The following RGS3 variants were observed in gnomAD, a reference collection of about 807,000 sequenced individuals.
RGS3 encodes regulator of G-protein signalling 3.
Under a neutral mutation model 132.6 loss-of-function variants are expected in RGS3, and 80 were observed. The ratio of observed to expected loss-of-function variants is 0.60; its 90% CI spans 0.50 to 0.73. The LOEUF (loss-of-function observed/expected upper bound fraction) is 0.73, where lower values mean the gene tolerates loss of function less well. Ranked by LOEUF, RGS3 falls within the 30% of genes least tolerant of loss-of-function variation. RGS3 has a pLI of 0.00. For missense variants in RGS3, 1,382 were observed against 1,530.8 expected (o/e 0.90, Z 1.62); for synonymous variants, 598 against 620.6 (o/e 0.96, Z 0.54).
At chr9:113,486,519 G>A (rs904434451) in intron 7 of RGS3, among the ~76,000 whole-genome samples, 3 of 152,188 alleles carry the variant, frequency 2.0e-5, no homozygotes, top group Non-Finnish European at 2.9e-5. Flanking sequence ...GAGGAGTGCC[G>A]GGCAGGTGAG....
intron 20 of RGS3, among the ~76,000 whole-genome samples, chr9:113,587,644 A>G (rs1835186732): frequency 6.6e-6 from 1 of 152,232 alleles, no homozygotes; most frequent in Middle Eastern, 3.2e-3. Flanking sequence ...GGTGACATTC[A>G]GTCTCGACGT....
chr9:113,538,657 G>A (rs141617988), intron 19 of RGS3, among the ~76,000 whole-genome samples: 293 of 152,274 alleles, frequency 1.9e-3, no homozygotes, highest in African/African-American at 6.7e-3. Flanking sequence ...ACCCTGGAAC[G>A]GCCCAAGGGT....
chr9:113,526,609 C>T (rs1832223641), intron 17 of RGS3, among the ~76,000 whole-genome samples: 1 of 152,104 alleles, frequency 6.6e-6, no homozygotes, highest in African/African-American at 2.4e-5. Context: ...CCTCAGACAG[C>T]GAAGGGGGTT....
At chr9:113,474,301 G>T (rs1829924525) in intron 3 of RGS3, among the ~76,000 whole-genome samples, 1 of 152,098 alleles carries the variant, frequency 6.6e-6, no homozygotes, top group Non-Finnish European at 1.5e-5. Context: ...TCGCAAACCA[G>T]GGCCACTTTT....
intron 21 of RGS3, 142 bp from the exon 20 acceptor site, chr9:113,594,288 C>CA: frequency 6.2e-7 from 1 of 1,600,304 alleles, no homozygotes; most frequent in Non-Finnish European, 8.5e-7. Flanking sequence ...TGCTCCGAGG[C>CA]ATGTACCTCA....
At chr9:113,502,666 G>A (rs547669490) in intron 10 of RGS3, among the ~76,000 whole-genome samples, 1 of 152,208 alleles carries the variant, frequency 6.6e-6, no homozygotes, top group Non-Finnish European at 1.5e-5. Context: ...TCACCCTGGG[G>A]CTATGGGCTA....
At chr9:113,446,883 G>A (rs1298104233) in intron 1 of RGS3, among the ~76,000 whole-genome samples, 9 of 152,144 alleles carry the variant, frequency 5.9e-5, no homozygotes, top group Admixed American at 5.9e-4. Flanking sequence ...GTATTTGGAA[G>A]GGCAGAAATA....
At chr9:113,489,843 T>C (rs1271530322) in intron 7 of RGS3, among the ~76,000 whole-genome samples, 1 of 152,202 alleles carries the variant, frequency 6.6e-6, no homozygotes, top group Non-Finnish European at 1.5e-5. Flanking sequence ...TGGAGTTTTA[T>C]GTAAATTATT....
At chr9:113,595,806 G>A in intron 24 of RGS3, 41 bp downstream of exon 22, 2 of 1,595,352 alleles carry the variant, frequency 1.3e-6, no homozygotes, top group South Asian at 1.1e-5. Flanking sequence ...CCAATCCCCA[G>A]GGCCCAGTGG....
Position 113,591,504 on chromosome 9 carries a change from GC to G in RGS3, c.3080+110del. ...GGGAGAAGAGGTTGTGCCTGGTCCC[GC>G]CCACAACCCCAGACAGACACCAAGG... On this transcript the variant is annotated intron_variant, in intron 21 of 24. Transcript: ENST00000350696. The surrounding 1 kb of genome is among the most constrained non-coding windows in gnomAD (Gnocchi z 4.4). The G allele has an allele frequency of 1.0e-6, 1 of 962,482 alleles. No homozygotes were observed. The highest frequency in any genetic ancestry group is 1.7e-6 in the Non-Finnish European group (1 of 599,940). The allele number at this position is 962,482 out of a possible 1,614,324, so 59.6% of individuals were successfully genotyped here.
chr9:113,541,383 C>G, intron 19 of RGS3: 1 of 1,613,836 alleles, frequency 6.2e-7, no homozygotes, highest in Non-Finnish European at 8.5e-7. Flanking sequence ...CAATGCCACC[C>G]AGGATAGAAG....
At chr9:113,466,538 T>C (rs1436569583) in intron 3 of RGS3, among the ~76,000 whole-genome samples, 1 of 152,124 alleles carries the variant, frequency 6.6e-6, no homozygotes, top group East Asian at 1.9e-4. Context: ...TCTGAGGAGG[T>C]GGCCTTACTT....
At chr9:113,481,377 G>A (rs1830153992) in intron 4 of RGS3, among the ~76,000 whole-genome samples, 1 of 152,180 alleles carries the variant, frequency 6.6e-6, no homozygotes, top group African/African-American at 2.4e-5. Flanking sequence ...CCAGACCTGG[G>A]TCCTGCCCTC....
chr9:113,588,268 C>G (rs1419171404), intron 20 of RGS3, among the ~76,000 whole-genome samples: 1 of 152,218 alleles, frequency 6.6e-6, no homozygotes, highest in Non-Finnish European at 1.5e-5. Context: ...TACCTTCAAG[C>G]CTCCTATTTT....
intron 8 of RGS3, 101 bp downstream of exon 6, chr9:113,495,947 A>G: frequency 1.9e-6 from 2 of 1,036,858 alleles, no homozygotes; most frequent in Non-Finnish European, 3.1e-6. Flanking sequence ...TCTCTCTGTG[A>G]GATGGTGCCC....
chr9:113,473,626 A>G (rs992291981), intron 3 of RGS3, among the ~76,000 whole-genome samples: 1 of 152,164 alleles, frequency 6.6e-6, no homozygotes, highest in Non-Finnish European at 1.5e-5. Flanking sequence ...GCCTCAAGTG[A>G]TCATCCTGCC....
At chr9:113,481,642 T>C (rs1040715436) in intron 4 of RGS3, among the ~76,000 whole-genome samples, 1 of 152,224 alleles carries the variant, frequency 6.6e-6, no homozygotes, top group Non-Finnish European at 1.5e-5. Context: ...CACCCCAGTC[T>C]CAGGCCCTTC....
chr9:113,508,879 C>T (rs952385021), intron 14 of RGS3, among the ~76,000 whole-genome samples: 4 of 152,042 alleles, frequency 2.6e-5, no homozygotes, highest in Non-Finnish European at 4.4e-5. Flanking sequence ...ACAGAGCAAC[C>T]GATATATATT....
intron 3 of RGS3, among the ~76,000 whole-genome samples, chr9:113,475,067 C>T (rs952704981): frequency 6.6e-6 from 1 of 152,172 alleles, no homozygotes. Flanking sequence ...CTGTGCCCAG[C>T]AGAATTTGGG....
Sources: allele counts gnomAD v4.1 joint callset (sites outside exome capture counted in the v4.1 genomes callset), GRCh38; gene constraint gnomAD v4.1.1; non-coding constraint Gnocchi (gnomAD v3.1); transcripts MANE v1.5; gene names NCBI Gene and HGNC (gene_info 2026-07-23, HGNC 2026-07-21).